EXOC4: variants seen among roughly 807,000 people sequenced by gnomAD.
The protein encoded by EXOC4 is exocyst complex component 4.
Under a neutral mutation model 107.2 loss-of-function variants are expected in EXOC4, and 71 were observed. That is an observed-to-expected ratio of 0.66 (90% CI 0.55 to 0.81). The LOEUF (loss-of-function observed/expected upper bound fraction) is 0.81, where lower values mean the gene tolerates loss of function less well. EXOC4 is among the 30% of genes least tolerant of loss of function. EXOC4 has a pLI of 0.00. For synonymous variants in EXOC4, 456 were observed against 441.2 expected (o/e 1.03, Z -0.42); for missense variants, 1,108 against 1,189.6 (o/e 0.93, Z 1.01).
chr7:133,322,783 G>C (rs908579528), intron 5 of EXOC4, among the ~76,000 whole-genome samples: 1 of 152,150 alleles, frequency 6.6e-6, no homozygotes, highest in African/African-American at 2.4e-5. Context: ...GATGGGGATA[G>C]TATCGAATCT....
chr7:133,416,623 T>C (rs1475987176), intron 7 of EXOC4, among the ~76,000 whole-genome samples: 1 of 152,168 alleles, frequency 6.6e-6, no homozygotes, highest in African/African-American at 2.4e-5. Context: ...GTGTACAAAG[T>C]GCCATCAACA....
intron 14 of EXOC4, among the ~76,000 whole-genome samples, chr7:133,972,760 C>T (rs1447507364): frequency 6.6e-6 from 1 of 152,078 alleles, no homozygotes; most frequent in African/African-American, 2.4e-5. Flanking sequence ...AGTTATAGAG[C>T]ATGAGGAAGT....
intron 7 of EXOC4, among the ~76,000 whole-genome samples, chr7:133,459,606 G>C (rs1467504034): frequency 2.0e-5 from 3 of 152,188 alleles, no homozygotes; most frequent in Non-Finnish European, 4.4e-5. Flanking sequence ...GAGATGTGCT[G>C]TGATAAATGG....
At chr7:133,452,882 A>C (rs1025708045) in intron 7 of EXOC4, among the ~76,000 whole-genome samples, 1 of 152,122 alleles carries the variant, frequency 6.6e-6, no homozygotes, top group Non-Finnish European at 1.5e-5. Context: ...GGAATTCGAT[A>C]GTCCATTTTG....
intron 6 of EXOC4, 106 bp from the exon 7 acceptor site, chr7:133,374,722 C>A: frequency 2.3e-6 from 2 of 877,332 alleles, no homozygotes; most frequent in Non-Finnish European, 3.5e-6. Flanking sequence ...ATGCTGTTTA[C>A]ATTGTAGAAT....
intron 12 of EXOC4, among the ~76,000 whole-genome samples, chr7:133,905,724 A>G (rs1799550770): frequency 2.0e-5 from 3 of 152,120 alleles, no homozygotes; most frequent in Admixed American, 2.0e-4. Flanking sequence ...CCCTAGTGTT[A>G]GAGGCTCAGT....
chr7:133,565,674 T>C (rs995180214), intron 9 of EXOC4, among the ~76,000 whole-genome samples: 4 of 152,220 alleles, frequency 2.6e-5, no homozygotes, highest in African/African-American at 7.2e-5. Context: ...TAATTCACTG[T>C]TTATCTGAAA....
chr7:133,830,518 G>T (rs1356284887), intron 11 of EXOC4, among the ~76,000 whole-genome samples: 1 of 152,208 alleles, frequency 6.6e-6, no homozygotes, highest in African/African-American at 2.4e-5. Context: ...CTATGTTAAA[G>T]TGTGGCCTCT....
chr7:133,410,326 A>T (rs1028953177), intron 7 of EXOC4, among the ~76,000 whole-genome samples: 1 of 152,198 alleles, frequency 6.6e-6, no homozygotes, highest in Non-Finnish European at 1.5e-5. Context: ...TAGGGAAATT[A>T]AGAGTTTTGT....
At chr7:133,703,492 G>A (rs953958042) in intron 10 of EXOC4, among the ~76,000 whole-genome samples, 2 of 152,198 alleles carry the variant, frequency 1.3e-5, no homozygotes, top group Admixed American at 6.5e-5. Flanking sequence ...ATAAAGTTGT[G>A]CATTTGTCAT....
chr7:134,047,811 T>C (rs552216251), intron 17 of EXOC4, among the ~76,000 whole-genome samples: 1 of 152,362 alleles, frequency 6.6e-6, no homozygotes, highest in East Asian at 1.9e-4. Context: ...TTATACTCTG[T>C]GCTCTTAGGT....
intron 10 of EXOC4, among the ~76,000 whole-genome samples, chr7:133,765,998 G>A (rs1796131552): frequency 6.6e-6 from 1 of 151,982 alleles, no homozygotes; most frequent in African/African-American, 2.4e-5. Flanking sequence ...AAGTGAGGAT[G>A]ATATCTGGTA....
At chr7:133,643,439 G>C (rs1357774687) in intron 10 of EXOC4, among the ~76,000 whole-genome samples, 1 of 152,018 alleles carries the variant, frequency 6.6e-6, no homozygotes, top group African/African-American at 2.4e-5. Flanking sequence ...GTTAATCTTT[G>C]GTAACACCCT....
At chr7:133,606,514 A>ATTTTTTTTTT (rs1412133574) in intron 9 of EXOC4, among the ~76,000 whole-genome samples, 1 of 142,876 alleles carries the variant, frequency 7.0e-6, no homozygotes, top group African/African-American at 2.6e-5. Context: ...TATTATTATT[A>ATTTTTTTTTT]TTATTTTTTT....
At chr7:133,855,813 G>A (rs1031918390) in intron 11 of EXOC4, among the ~76,000 whole-genome samples, 10 of 152,144 alleles carry the variant, frequency 6.6e-5, no homozygotes, top group African/African-American at 1.7e-4. Context: ...ATCTGTAAGC[G>A]TTATATCTAC....
At position 133,319,838 on chromosome 7, in the gene EXOC4, C is replaced by CTTTT. The variant is rs35274622; in HGVS notation, c.763+2466_763+2469dup. Among the ~76,000 whole-genome samples the CTTTT allele has an allele frequency of 4.1e-3, 391 of 94,494 alleles. 1 individual carries two copies. The highest frequency in any genetic ancestry group is 5.2e-3 in the African/African-American group (122 of 23,252). The allele number at this position is 94,494 out of a possible 152,430, so 62.0% of individuals were successfully genotyped here. The stretch of plus-strand genomic sequence containing the variant: ...ACTATTTTGAAGACTTGATCGTGTG[C>CTTTT]TTTTTTTTTTTTTTTTTTTTTGTGC... On this transcript the variant is annotated intron_variant, in intron 5 of 17. Coordinates refer to ENST00000253861, the MANE Select transcript of EXOC4 (RefSeq NM_021807.4).
intron 14 of EXOC4, among the ~76,000 whole-genome samples, chr7:133,989,970 G>T (rs901456496): frequency 6.6e-6 from 1 of 152,128 alleles, no homozygotes; most frequent in Non-Finnish European, 1.5e-5. Flanking sequence ...CGTTTTAGTG[G>T]CAACAATCTA....
Position 133,426,303 on chromosome 7 carries a change from C to G in EXOC4, c.1183-49025C>G, listed in dbSNP as rs561942977. On this transcript the variant is annotated intron_variant, in intron 7 of 17. Transcript: ENST00000253861. ...ACAGGAGCAGCCCTGTGTGTTATGC[C>G]TGCAGCTGGCTCTGAATCTGTTAAG... is the stretch of plus-strand genomic sequence containing the variant. 1.9e-3 allele frequency among the ~76,000 whole-genome samples: 289 copies of G among 152,292 alleles called. 1 individual carries two copies. The highest frequency in any genetic ancestry group is 6.8e-3 in the Middle Eastern group (2 of 294).
intron 11 of EXOC4, among the ~76,000 whole-genome samples, chr7:133,866,079 G>A (rs141479145): frequency 1.8e-3 from 272 of 152,236 alleles, no homozygotes; most frequent in South Asian, 0.016. Flanking sequence ...CATTTATGAT[G>A]GGAAACTATT....
Sources: allele counts gnomAD v4.1 joint callset (sites outside exome capture counted in the v4.1 genomes callset), GRCh38; gene constraint gnomAD v4.1.1; transcripts MANE v1.5; gene names NCBI Gene and HGNC (gene_info 2026-07-23, HGNC 2026-07-21).